The following WDR27 variants were observed in gnomAD, a reference collection of about 807,000 sequenced individuals.
WDR27 encodes WD repeat domain 27, also known as WD repeat-containing protein 27.
In WDR27, 100 loss-of-function variants were observed where a neutral mutation model predicts 114.4. The observed-to-expected ratio is 0.87, with a 90% CI of 0.74 to 1.03. The LOEUF (loss-of-function observed/expected upper bound fraction) is 1.03. Ranked by LOEUF, WDR27 falls within the 50% of genes least tolerant of loss-of-function variation. WDR27 has a pLI of 0.00. For missense variants in WDR27, 1,129 were observed against 1,092.9 expected (o/e 1.03, Z -0.47); for synonymous variants, 449 against 423.1 (o/e 1.06, Z -0.75).
intron 1 of WDR27, among the ~76,000 whole-genome samples, chr6:169,694,539 T>C (rs1049382571): frequency 6.6e-6 from 1 of 152,208 alleles, no homozygotes; most frequent in African/African-American, 2.4e-5. Flanking sequence ...GGTTCTTACA[T>C]TGAGTGGAAT....
chr6:169,472,010 C>T (rs2115335524), intron 25 of WDR27, among the ~76,000 whole-genome samples: 1 of 152,274 alleles, frequency 6.6e-6, no homozygotes, highest in Non-Finnish European at 1.5e-5. Context: ...ACTTAATCAT[C>T]TTTTAATACT....
intron 21 of WDR27, among the ~76,000 whole-genome samples, chr6:169,625,275 C>A (rs1039634332): frequency 6.6e-6 from 1 of 152,206 alleles, no homozygotes; most frequent in Non-Finnish European, 1.5e-5. Context: ...ATGCTAGTAA[C>A]GGATGGCTCT....
At chr6:169,570,530 C>G (rs577423220) in intron 25 of WDR27, among the ~76,000 whole-genome samples, 10 of 152,308 alleles carry the variant, frequency 6.6e-5, no homozygotes, top group African/African-American at 2.2e-4. Context: ...TTTCTGTTAT[C>G]TTTAAAAAGC....
chr6:169,467,786 C>A (rs1228868865), intron 25 of WDR27, among the ~76,000 whole-genome samples: 1 of 152,246 alleles, frequency 6.6e-6, no homozygotes, highest in Non-Finnish European at 1.5e-5. Flanking sequence ...CTCCTCATTA[C>A]TTATGCAAAT....
chr6:169,629,552 T>G (rs1363128009), intron 21 of WDR27, among the ~76,000 whole-genome samples: 1 of 152,190 alleles, frequency 6.6e-6, no homozygotes, highest in African/African-American at 2.4e-5. Context: ...TTAAATGAAC[T>G]AAGAAATATT....
chr6:169,697,272 C>G (rs761911119), intron 1 of WDR27, among the ~76,000 whole-genome samples: 1 of 152,120 alleles, frequency 6.6e-6, no homozygotes, highest in Non-Finnish European at 1.5e-5. Context: ...GACCAGAGTG[C>G]GAGCCTTCTG....
intron 15 of WDR27, among the ~76,000 whole-genome samples, chr6:169,648,576 C>A (rs913549418): frequency 2.0e-5 from 3 of 152,224 alleles, no homozygotes; most frequent in African/African-American, 4.8e-5. Context: ...GCAGTGAATG[C>A]GGGCAAAATC....
chr6:169,637,831 A>G (rs2128222914), intron 18 of WDR27, among the ~76,000 whole-genome samples: 1 of 151,532 alleles, frequency 6.6e-6, no homozygotes, highest in South Asian at 2.1e-4. Context: ...AAGTGTGCGT[A>G]TGTGTATGCA....
At chr6:169,445,168 A>G in the WDR27 span, among the ~76,000 whole-genome samples, 3 of 152,248 alleles carry the variant, frequency 2.0e-5, no homozygotes, top group Non-Finnish European at 4.4e-5. Flanking sequence ...TGATGCTATC[A>G]TAAGAATTGT....
At chr6:169,647,629 ACAAACCATGCCATG>A (rs1436614272) in intron 16 of WDR27, 130 bp downstream of exon 16, 1 of 806,652 alleles carries the variant, frequency 1.2e-6, no homozygotes, top group Non-Finnish European at 2.1e-6. Flanking sequence ...TCATCCAGAC[ACAAACCATGCCATG>A]CAACTTCAAG....
intron 21 of WDR27, among the ~76,000 whole-genome samples, chr6:169,626,880 T>C (rs1814992359): frequency 6.6e-6 from 1 of 152,254 alleles, no homozygotes; most frequent in Non-Finnish European, 1.5e-5. Context: ...TGCCCCGCTG[T>C]GGACGCCAAC....
At chr6:169,471,800 A>C (rs1456894429) in intron 25 of WDR27, among the ~76,000 whole-genome samples, 2 of 152,214 alleles carry the variant, frequency 1.3e-5, no homozygotes, top group Admixed American at 1.3e-4. Context: ...ATTTATAAAC[A>C]ACAGAAATGT....
chr6:169,613,529 C>G (rs939376461), intron 22 of WDR27, 30 bp downstream of exon 22: 1 of 1,573,268 alleles, frequency 6.4e-7, no homozygotes, highest in African/African-American at 1.4e-5. Flanking sequence ...GCTCCCCACC[C>G]CTGCAGTGCA....
In WDR27 at chr6:169,658,307, C is replaced by A; in HGVS notation, c.1371G>T (p.Lys457Asn). ...SPLYLGIAKE[K>N]STKAASEQRR... is the part of the protein sequence containing the mutation. ...GCTGTTCACTAGCAGCCTTGGTACT[C>A]TTCTCCTTGGCAATTCCCAGATACA... Residue 457 changes from lysine to asparagine, a missense_variant, in exon 13 of 26, where the codon AAG (lysine) becomes AAT (asparagine). Coordinates refer to ENST00000448612, the MANE Select transcript of WDR27 (RefSeq NM_182552.5). The A allele has an allele frequency of 6.2e-7, 1 of 1,602,030 alleles. No homozygotes were observed. The highest frequency in any genetic ancestry group is 8.5e-7 in the Non-Finnish European group (1 of 1,174,624).
chr6:169,666,229 C>T (rs544639151), intron 6 of WDR27, among the ~76,000 whole-genome samples: 3 of 152,266 alleles, frequency 2.0e-5, no homozygotes, highest in South Asian at 4.1e-4. Flanking sequence ...AAGATTCCAA[C>T]GTACTTCCAA....
At chr6:169,522,161 C>T (rs1327249534) in intron 25 of WDR27, among the ~76,000 whole-genome samples, 1 of 151,688 alleles carries the variant, frequency 6.6e-6, no homozygotes, top group Non-Finnish European at 1.5e-5. Flanking sequence ...TAACTAGCAA[C>T]CAAAAAAGGT....
intron 2 of WDR27, among the ~76,000 whole-genome samples, chr6:169,688,530 G>A (rs753743364): frequency 1.2e-4 from 18 of 151,846 alleles, no homozygotes; most frequent in East Asian, 7.7e-4. Context: ...CTAAACATTC[G>A]AATGTAGGAG....
At position 169,638,544 on chromosome 6, in the gene WDR27, G is replaced by A. The variant is rs770035948; in HGVS notation, c.1864C>T (p.Leu622Phe). ...CAGAGATGACTGTCCATTACCAGAAGCAGTGCGAGCTCTGCCCCACGAGCC... is the reference window on the plus strand; with the variant it reads ...CAGAGATGACTGTCCATTACCAGAAACAGTGCGAGCTCTGCCCCACGAGCC... Reference protein sequence around the residue: ...WSARGAELALLLGKDMFSKPI... With the variant: ...WSARGAELALFLGKDMFSKPI... Residue 622 changes from leucine to phenylalanine, a missense_variant, in exon 18 of 26, where the codon CTT becomes TTT. Leu to Phe is a conservative substitution (Grantham distance 22). Transcript: ENST00000448612. 6.2e-7 allele frequency: 1 copy of A among 1,610,924 alleles called. No individual in the cohort carries two copies. The highest frequency in any genetic ancestry group is 8.5e-7 in the Non-Finnish European group (1 of 1,179,108).
chr6:169,689,036 G>C, intron 1 of WDR27, 24 bp from the exon 2 acceptor site: 1 of 1,550,162 alleles, frequency 6.5e-7, no homozygotes. Flanking sequence ...GTACATATAA[G>C]ATGACTATAG....
Sources: allele counts gnomAD v4.1 joint callset (sites outside exome capture counted in the v4.1 genomes callset), GRCh38; gene constraint gnomAD v4.1.1; transcripts MANE v1.5; gene names NCBI Gene and HGNC (gene_info 2026-07-23, HGNC 2026-07-21).